Variants in FAM131A observed in about 807,000 individuals in gnomAD.
FAM131A encodes the protein family with sequence similarity 131 member A, also known as protein FAM131A.
A neutral mutation model predicts 39.2 loss-of-function variants in FAM131A; 24 were observed. That is an observed-to-expected ratio of 0.61 (90% confidence interval 0.44 to 0.86). The LOEUF (loss-of-function observed/expected upper bound fraction) is 0.86, where lower values mean the gene tolerates loss of function less well. Among genes scored for constraint, FAM131A ranks in the 40% least tolerant of loss-of-function variants. The pLI is 0.00. For synonymous variants in FAM131A, 202 were observed against 206.8 expected (o/e 0.98, Z 0.20); for missense variants, 373 against 481.2 (o/e 0.78, Z 2.10).
Position 184,344,547 on chromosome 3 carries a change from C to T in FAM131A, c.678C>T (p.Gly226=). Residue 226 remains glycine, a synonymous_variant, in exon 6 of 6, where the codon GGC becomes GGT. Transcript: ENST00000383847. ...LGPHLQDLFT[G]HRFSRPVRQG... ...CGCACCTCCAGGACCTGTTCACCGG[C>T]CACCGGTTCTCCCGGCCTGTGCGCC... 1 of 1,585,442 alleles carries T rather than the reference C, an allele frequency of 6.3e-7. No individual in the cohort carries two copies. The highest frequency in any genetic ancestry group is 1.1e-5 in the South Asian group (1 of 87,326).
At position 184,342,306 on chromosome 3, in the gene FAM131A, AT is replaced by A. The variant is rs1246630868; in HGVS notation, c.508+62del. 15 of 1,490,342 alleles carry A rather than the reference AT, an allele frequency of 1.0e-5. No homozygotes were observed. The East Asian group carries it at 3.2e-4, about 32-fold the overall frequency. The allele number at this position is 1,490,342 out of a possible 1,614,324, so 92.3% of individuals were successfully genotyped here. On this transcript the variant is annotated intron_variant, in intron 4 of 5. Transcript: ENST00000383847. The surrounding 1 kb of genome is among the most constrained non-coding windows in gnomAD (Gnocchi z 4.6). ...TGGCACAGGGCTGCTTTCTTTCTTT[AT>A]TTTATTTAATTTTTTTTTGAGACGG...
rs577524867 is a variant in FAM131A at position 184,342,315 on chromosome 3, A to T, written c.508+67A>T. 23 of 1,485,258 alleles carry T rather than the reference A, an allele frequency of 1.5e-5. No homozygotes were observed. The highest frequency in any genetic ancestry group is 9.3e-5 in the East Asian group (4 of 43,112). The allele number at this position is 1,485,258 out of a possible 1,614,324, so 92.0% of individuals were successfully genotyped here. A position where few individuals can be genotyped will look rare whatever the true frequency, so the allele number is the denominator to read the frequency against. ...GCTGCTTTCTTTCTTTATTTTATTT[A>T]ATTTTTTTTTGAGACGGAGTCTCAC... On this transcript the variant is annotated intron_variant, in intron 4 of 5. Coordinates refer to ENST00000383847, the MANE Select transcript of FAM131A (RefSeq NM_144635.5). This position sits in a 1 kb window ranked among gnomAD's most constrained non-coding sequence, Gnocchi z 4.6.
In FAM131A at chr3:184,345,568, G is replaced by A. The variant is rs1727615581; in HGVS notation, c.*598G>A. 1.4e-6 allele frequency: 1 copy of A among 703,180 alleles called. No individual in the cohort carries two copies. Among genetic ancestry groups the A allele is most frequent in the African/African-American group, 1.7e-5 (1 of 57,266 alleles). 43.6% of individuals were successfully genotyped at this position (703,180 alleles called of 1,614,324 possible). On this transcript the variant is annotated 3_prime_UTR_variant, in exon 6 of 6. Transcript: ENST00000383847. ...CTAAATCTTCCTCTTTTTTCCTAAA[G>A]ACAGAAGGTTTTTGGTCTGTTTTTT...
Position 184,337,639 on chromosome 3 carries a change from G to C in FAM131A, c.9G>C (p.Met3Ile), listed in dbSNP as rs772466270. 6.5e-7 allele frequency: 1 copy of C among 1,537,178 alleles called. No homozygotes were observed. Among genetic ancestry groups the C allele is most frequent in the Non-Finnish European group, 8.7e-7 (1 of 1,146,924 alleles). The change falls in exon 1 of 6, where the codon ATG becomes ATC. Residue 3 changes from methionine to isoleucine, a missense_variant. Coordinates refer to ENST00000383847, the MANE Select transcript of FAM131A (RefSeq NM_144635.5). ...GCATCAACACAGCCAGCATGCCTAT[G>C]ATTTCTGTGCTGGGCAAAATGTTTC... The part of the protein sequence containing the change: MP[M>I]ISVLGKMFLW...
At chr3:184,341,480 A>G (rs965500319) in intron 2 of FAM131A, 14 of 568,774 alleles carry the variant, frequency 2.5e-5, no homozygotes, top group African/African-American at 1.9e-4. Context: ...GGGTGCTGGG[A>G]AAGTGGAGGA....
chr3:184,345,064 C>T lies in FAM131A; in HGVS notation c.*94C>T, dbSNP rs149106753. 982 of 1,214,500 alleles carry T rather than the reference C, an allele frequency of 8.1e-4. 1 individual carries two copies. The highest frequency in any genetic ancestry group is 1.0e-3 in the Non-Finnish European group (907 of 896,690). The allele number at this position is 1,214,500 out of a possible 1,614,324, so 75.2% of individuals were successfully genotyped here. On this transcript the variant is annotated 3_prime_UTR_variant, in exon 6 of 6. Coordinates refer to ENST00000383847, the MANE Select transcript of FAM131A (RefSeq NM_144635.5). ...TGTGGGCTCAAGGCTCCCAGCAGAG[C>T]TCCACAGCCTAGAGGGCTCCTGGGA... is the stretch of plus-strand genomic sequence containing the variant.
rs1727547876 is a variant in FAM131A at position 184,344,712 on chromosome 3, T to G, written c.843T>G (p.Leu281=). The G allele has an allele frequency of 6.2e-7, 1 of 1,612,294 alleles. No individual in the cohort carries two copies. The highest frequency in any genetic ancestry group is 1.3e-5 in the African/African-American group (1 of 74,914). Residue 281 remains leucine (L), a synonymous_variant, in exon 6 of 6, where the codon CTT becomes CTG. Transcript: ENST00000383847. ...CCCAGCTGCTGGGCGATGAGCTGCT[T>G]CTCGCCAAACTGCCCCCCAGCCGGG... The part of the protein sequence containing the change: ...LASQLLGDEL[L]LAKLPPSRES...
At chr3:184,339,606 A>T (rs1331987766) in intron 2 of FAM131A, 2 of 152,248 alleles carry the variant, frequency 1.3e-5, no homozygotes, top group Non-Finnish European at 2.9e-5. Context: ...GATTACAGGC[A>T]TGCGCTGCCA....
chr3:184,342,412 A>T lies in FAM131A; in HGVS notation c.508+164A>T, dbSNP rs1384020239. Among the ~76,000 whole-genome samples the T allele has an allele frequency of 6.6e-6, 1 of 152,050 alleles. No homozygotes were observed. The highest frequency in any genetic ancestry group is 2.4e-5 in the African/African-American group (1 of 41,390). ...AACCTCTGCCACCCCAGTTCAAGCG[A>T]TTCTCCTGCCTCAGCCTCCCAAGTA... On this transcript the variant is annotated intron_variant, in intron 4 of 5. Coordinates refer to ENST00000383847, the MANE Select transcript of FAM131A (RefSeq NM_144635.5). The surrounding 1 kb of genome is among the most constrained non-coding windows in gnomAD (Gnocchi z 4.6).
Position 184,344,560 on chromosome 3 carries a change from C to G in FAM131A, c.691C>G (p.Arg231Gly). ...QDLFTGHRFS[R>G]PVRQGSVEPE... Reference sequence around the variant, plus strand: ...CCTGTTCACCGGCCACCGGTTCTCCCGGCCTGTGCGCCAGGGCTCCGTGGA... The same window carrying G: ...CCTGTTCACCGGCCACCGGTTCTCCGGGCCTGTGCGCCAGGGCTCCGTGGA... Residue 231 changes from arginine (R) to glycine (G), a missense_variant, in exon 6 of 6, where the codon CGG becomes GGG. Coordinates refer to ENST00000383847, the MANE Select transcript of FAM131A (RefSeq NM_144635.5). The G allele has an allele frequency of 1.9e-6, 3 of 1,602,232 alleles. No individual in the cohort carries two copies. The highest frequency in any genetic ancestry group is 1.7e-6 in the Non-Finnish European group (2 of 1,173,596).
chr3:184,344,372 G>C (rs1296935684), intron 5 of FAM131A, 123 bp from the exon 6 acceptor site: 4 of 903,712 alleles, frequency 4.4e-6, no homozygotes, highest in Non-Finnish European at 6.8e-6. Context: ...ACTGGTTCAA[G>C]GTTACCCAGC....
Position 184,342,839 on chromosome 3 carries a change from T to C in FAM131A, c.604T>C (p.Phe202Leu), listed in dbSNP as rs750444368. The C allele has an allele frequency of 1.3e-5, 21 of 1,612,962 alleles. No individual in the cohort carries two copies. The highest frequency in any genetic ancestry group is 1.7e-5 in the Non-Finnish European group (20 of 1,179,142). The change falls in exon 5 of 6, where the codon TTT becomes CTT. Residue 202 changes from phenylalanine (F) to leucine (L), a missense_variant. Transcript: ENST00000383847. This position sits in a 1 kb window ranked among gnomAD's most constrained non-coding sequence, Gnocchi z 4.6. The stretch of plus-strand genomic sequence containing the variant: ...CACTGATGACTCCTATGATGAGGAC[T>C]TTGCTGGGGGAATGGACACAGGTGA... ...DSTDDSYDEDFAGGMDTDMAG... is the reference protein window; with the variant it reads ...DSTDDSYDEDLAGGMDTDMAG...
chr3:184,337,576 G>T, upstream of FAM131A: 1 of 1,496,968 alleles, frequency 6.7e-7, no homozygotes. Context: ...ATAGAACTGG[G>T]AGCTGAGCCT....
rs917159839 is a variant in FAM131A, at chr3:184,345,788, A to G, written c.*818A>G. On this transcript the variant is annotated 3_prime_UTR_variant, in exon 6 of 6. Coordinates refer to ENST00000383847, the MANE Select transcript of FAM131A (RefSeq NM_144635.5). ...CTCTGAGCGGGAGGTGGAAGAAAGG[A>G]TGGCTCTGGTTGCCACAGAGCTGGG... 5 of 579,206 alleles carry G rather than the reference A, an allele frequency of 8.6e-6. No homozygotes were observed. Among genetic ancestry groups the G allele is most frequent in the Admixed American group, 3.2e-5 (1 of 30,846 alleles). The allele number at this position is 579,206 out of a possible 1,614,324, so 35.9% of individuals were successfully genotyped here. A position where few individuals can be genotyped will look rare whatever the true frequency, so the allele number is the denominator to read the frequency against.
At chr3:184,338,052 G>A (rs1002921204) in intron 1 of FAM131A, among the ~76,000 whole-genome samples, 2 of 152,006 alleles carry the variant, frequency 1.3e-5, no homozygotes, top group Non-Finnish European at 2.9e-5. Flanking sequence ...CAGTGATGGC[G>A]GAAGAACTCA....
intron 5 of FAM131A, 169 bp downstream of exon 5, chr3:184,343,029 G>C (rs1727455011): frequency 2.0e-6 from 1 of 507,270 alleles, no homozygotes; most frequent in Non-Finnish European, 3.6e-6. Context: ...CCACACTCAT[G>C]GGTGGGAAAT....
At position 184,345,027 on chromosome 3, in the gene FAM131A, T is replaced by C. The variant is rs1727575077; in HGVS notation, c.*57T>C. On this transcript the variant is annotated 3_prime_UTR_variant, in exon 6 of 6. Transcript: ENST00000383847. ...CCCGGCTGCTGCCAGGGGCAGAGCC[T>C]CTGTGCCCAAGTGTGGGCTCAAGGC... 7 of 1,429,644 alleles carry C rather than the reference T, an allele frequency of 4.9e-6. No homozygotes were observed. Among genetic ancestry groups the C allele is most frequent in the East Asian group, 2.5e-5 (1 of 40,054 alleles). The allele number at this position is 1,429,644 out of a possible 1,614,324, so 88.6% of individuals were successfully genotyped here.
chr3:184,339,398 C>T (rs111945519), intron 2 of FAM131A: 2,356 of 152,384 alleles, frequency 0.015, 28 homozygotes, highest in Non-Finnish European at 0.023. Context: ...TTCCTGGAGG[C>T]AGGCGGGCTG....
At chr3:184,338,321 T>C in intron 1 of FAM131A, 66 bp from the exon 2 acceptor site, 2 of 1,391,794 alleles carry the variant, frequency 1.4e-6, no homozygotes, top group South Asian at 3.3e-5. Flanking sequence ...ACGGCAATAC[T>C]GGATGAAAAT....
Sources: allele counts gnomAD v4.1 joint callset (sites outside exome capture counted in the v4.1 genomes callset), GRCh38; gene constraint gnomAD v4.1.1; non-coding constraint Gnocchi (gnomAD v3.1); transcripts MANE v1.5; gene names NCBI Gene and HGNC (gene_info 2026-07-23, HGNC 2026-07-21).